The following SARNP variants were observed in gnomAD, a reference collection of about 807,000 sequenced individuals.
SARNP encodes the protein SAP domain-containing ribonucleoprotein.
Under a neutral mutation model 38.1 loss-of-function variants are expected in SARNP, and 5 were observed. The observed-to-expected ratio is 0.13, with a 90% CI of 0.07 to 0.28. SARNP has a LOEUF of 0.28. SARNP is among the 10% of genes least tolerant of loss of function. The pLI is 1.00. For missense variants in SARNP, 180 were observed against 243.9 expected, an observed-to-expected ratio of 0.74 and a Z score of 1.75; for synonymous variants, 84 against 80.6, an observed-to-expected ratio of 1.04 and a Z score of -0.23.
chr12:55,764,096 T>C (rs1314911158), intron 9 of SARNP, among the ~76,000 whole-genome samples: 1 of 152,246 alleles, frequency 6.6e-6, no homozygotes, highest in Non-Finnish European at 1.5e-5. Flanking sequence ...TCTTCTAACG[T>C]ACCATATACC....
In SARNP at chr12:55,789,081, G is replaced by A; in HGVS notation, c.495C>T (p.Ser165=). Residue 165 remains serine, a synonymous_variant, in exon 9 of 11, where the codon TCC becomes TCT. Transcript: ENST00000336133. ...TCCATCGAGCCTACATTACCTTTCTGGAGATTGAAGAGACATTCAAACCAA... is the reference window on the plus strand; with the variant it reads ...TCCATCGAGCCTACATTACCTTTCTAGAGATTGAAGAGACATTCAAACCAA... ...QRFGLNVSSI[S]RKSEDDEKLK... 6.2e-7 allele frequency: 1 copy of A among 1,602,010 alleles called. No individual in the cohort carries two copies. Among genetic ancestry groups the A allele is most frequent in the Non-Finnish European group, 8.5e-7 (1 of 1,172,926 alleles).
intron 1 of SARNP, among the ~76,000 whole-genome samples, chr12:55,815,154 C>G (rs539858454): frequency 2.6e-5 from 4 of 152,126 alleles, no homozygotes; most frequent in African/African-American, 9.7e-5. Context: ...GCCTCCCAGG[C>G]TCAAGCAATC....
chr12:55,770,998 T>A (rs1878990969), intron 9 of SARNP, among the ~76,000 whole-genome samples: 1 of 151,486 alleles, frequency 6.6e-6, no homozygotes, highest in African/African-American at 2.4e-5. Context: ...TGTGCAATGA[T>A]GTGATCTCGG....
At chr12:55,790,190 C>G (rs1274118484) in intron 8 of SARNP, among the ~76,000 whole-genome samples, 1 of 145,442 alleles carries the variant, frequency 6.9e-6, no homozygotes, top group Non-Finnish European at 1.5e-5. Flanking sequence ...AAAAAAAAAG[C>G]ACTATCTACA....
At chr12:55,760,899 G>A (rs547836683) in intron 9 of SARNP, 55 of 363,534 alleles carry the variant, frequency 1.5e-4, no homozygotes, top group African/African-American at 9.9e-4. Context: ...GTAAGAGGCC[G>A]GGCACGGTGA....
chr12:55,769,695 G>A (rs543238380), intron 9 of SARNP, among the ~76,000 whole-genome samples: 19 of 152,302 alleles, frequency 1.2e-4, no homozygotes, highest in African/African-American at 3.9e-4. Flanking sequence ...TTACAACGGC[G>A]AACGATGCAT....
Position 55,817,651 on chromosome 12 carries a change from C to G in SARNP, c.36+15G>C. On this transcript the variant is annotated intron_variant, in intron 1 of 10. Transcript: ENST00000336133. ...CTAGAAAAGTCCAACTCAGCCCTTCCCCGATTCACGGTACCTTTAGCTTAT... is the reference window on the plus strand; with the variant it reads ...CTAGAAAAGTCCAACTCAGCCCTTCGCCGATTCACGGTACCTTTAGCTTAT... The G allele has an allele frequency of 6.2e-7, 1 of 1,610,750 alleles. No individual in the cohort carries two copies. The highest frequency in any genetic ancestry group is 1.1e-5 in the South Asian group (1 of 90,588).
intron 9 of SARNP, among the ~76,000 whole-genome samples, chr12:55,765,061 G>C (rs1464788189): frequency 6.6e-6 from 1 of 152,048 alleles, no homozygotes; most frequent in Admixed American, 6.6e-5. Flanking sequence ...AAAATAAATG[G>C]AGCCTCTCTT....
At position 55,794,204 on chromosome 12, in the gene SARNP, G is replaced by A. The variant is rs1592573858; in HGVS notation, c.406+155C>T. ...CTCTTAATTGCCCAGGAAGGCCTAA[G>A]TATAATTTTACCTAAAGCAGGAGAT... On this transcript the variant is annotated intron_variant, in intron 7 of 10. Coordinates refer to ENST00000336133, the MANE Select transcript of SARNP (RefSeq NM_033082.4). The A allele has an allele frequency of 1.6e-5, 11 of 698,906 alleles. No individual in the cohort carries two copies. The East Asian group carries it at 2.6e-4, about 17-fold the overall frequency. The allele number at this position is 698,906 out of a possible 1,614,324, so 43.3% of individuals were successfully genotyped here. A position where few individuals can be genotyped will look rare whatever the true frequency, so the allele number is the denominator to read the frequency against.
chr12:55,800,436 A>C, intron 4 of SARNP, 126 bp downstream of exon 4: 6 of 671,176 alleles, frequency 8.9e-6, no homozygotes, highest in Non-Finnish European at 1.5e-5. Flanking sequence ...AAAAAACAAA[A>C]AAATGACCTA....
At chr12:55,811,120 A>T (rs1880315022) in intron 1 of SARNP, among the ~76,000 whole-genome samples, 1 of 152,096 alleles carries the variant, frequency 6.6e-6, no homozygotes, top group Non-Finnish European at 1.5e-5. Flanking sequence ...ATGTTATGTC[A>T]ACATATAGTT....
chr12:55,803,658 T>C lies in SARNP; in HGVS notation c.107A>G (p.His36Arg). ...ETKGIKQDLIHRLQAYLEEHA... is the reference protein window; with the variant it reads ...ETKGIKQDLIRRLQAYLEEHA... ...TTCTTCAAGATATGCCTGGAGTCTG[T>C]GGATAAGATCTTGCTTTATTCCCTT... Residue 36 changes from histidine to arginine, a missense_variant, in exon 2 of 11, where the codon CAC (histidine) becomes CGC (arginine). By Grantham distance (29) the His-to-Arg change is conservative (BLOSUM62 0). Around this residue, in one of 2 missense-constraint regions of SARNP, gnomAD observed 161 missense variants for 194.1 expected, o/e 0.83. Coordinates refer to ENST00000336133, the MANE Select transcript of SARNP (RefSeq NM_033082.4). 6.2e-7 allele frequency: 1 copy of C among 1,613,242 alleles called. No individual in the cohort carries two copies. Among genetic ancestry groups the C allele is most frequent in the South Asian group, 1.1e-5 (1 of 91,030 alleles).
At chr12:55,801,175 C>T (rs1879968694) in intron 2 of SARNP, among the ~76,000 whole-genome samples, 1 of 152,190 alleles carries the variant, frequency 6.6e-6, no homozygotes, top group African/African-American at 2.4e-5. Context: ...GGCACCGTGG[C>T]TCTCTGTAAT....
intron 5 of SARNP, among the ~76,000 whole-genome samples, chr12:55,795,787 G>A (rs1309537085): frequency 6.6e-6 from 1 of 152,158 alleles, no homozygotes; most frequent in African/African-American, 2.4e-5. Context: ...ATCTCAAAGA[G>A]AGTCACTGTT....
intron 7 of SARNP, chr12:55,793,006 T>C (rs1400835648): frequency 6.6e-6 from 1 of 152,112 alleles, no homozygotes; most frequent in Non-Finnish European, 1.5e-5. Context: ...ATAATAACTG[T>C]TTCAGGCTCG....
intron 9 of SARNP, among the ~76,000 whole-genome samples, chr12:55,786,613 C>T (rs1301903943): frequency 6.6e-6 from 1 of 152,044 alleles, no homozygotes; most frequent in East Asian, 1.9e-4. Context: ...CCGCGCCTGG[C>T]TAATTTTTTG....
intron 2 of SARNP, among the ~76,000 whole-genome samples, chr12:55,802,819 G>A (rs903384824): frequency 5.3e-5 from 8 of 150,608 alleles, no homozygotes; most frequent in South Asian, 4.2e-4. Flanking sequence ...TTCTGTCACC[G>A]AGTGAATTAA....
downstream of SARNP, chr12:55,752,960 A>G (rs1878372373): frequency 6.6e-6 from 1 of 152,222 alleles, no homozygotes; most frequent in Non-Finnish European, 1.5e-5. Context: ...GAGACAGGAA[A>G]CCTCGTGTTC....
intron 4 of SARNP, among the ~76,000 whole-genome samples, chr12:55,799,578 C>T (rs1461503699): frequency 0.02 from 23 of 1,160 alleles, no homozygotes; most frequent in Non-Finnish European, 0.041. Flanking sequence ...TTTTTTTTCC[C>T]GAGACAGCTG....
Sources: allele counts gnomAD v4.1 joint callset (sites outside exome capture counted in the v4.1 genomes callset), GRCh38; gene constraint gnomAD v4.1.1; regional missense constraint gnomAD v4.1.1; transcripts MANE v1.5; gene names NCBI Gene and HGNC (gene_info 2026-07-23, HGNC 2026-07-21).